IL34: variants seen among roughly 807,000 people sequenced by gnomAD.
IL34 encodes the protein interleukin-34.
In IL34, 17 loss-of-function variants were observed where a neutral mutation model predicts 25.3. The ratio of observed to expected loss-of-function variants is 0.67; its 90% CI spans 0.46 to 1.01. The LOEUF (loss-of-function observed/expected upper bound fraction) is 1.01, where lower values mean the gene tolerates loss of function less well. Among genes scored for constraint, IL34 ranks in the 50% least tolerant of loss-of-function variants. The pLI is 0.00. For missense variants in IL34, 368 were observed against 312.9 expected (o/e 1.18, Z -1.33); for synonymous variants, 174 against 140.9 (o/e 1.23, Z -1.66).
intron 1 of IL34, among the ~76,000 whole-genome samples, chr16:70,630,551 C>T (rs551973928): frequency 6.6e-6 from 1 of 151,470 alleles, no homozygotes; most frequent in Non-Finnish European, 1.5e-5. Flanking sequence ...CCCTCCTCTC[C>T]CCTCCCCTCT....
intron 1 of IL34, among the ~76,000 whole-genome samples, chr16:70,634,131 G>T (rs2051584844): frequency 6.6e-6 from 1 of 152,014 alleles, no homozygotes. Context: ...GATTACAGGT[G>T]TGAGCCACCG....
intron 1 of IL34, among the ~76,000 whole-genome samples, chr16:70,627,957 G>T (rs1319717366): frequency 6.6e-6 from 1 of 152,198 alleles, no homozygotes; most frequent in Admixed American, 6.5e-5. Context: ...ATTTACTTAC[G>T]AAAGAAATTG....
At chr16:70,654,015 C>CG (rs2052148661) in intron 1 of IL34, 1 of 152,396 alleles carries the variant, frequency 6.6e-6, no homozygotes, top group Non-Finnish European at 1.5e-5. Context: ...GCTACAGACC[C>CG]GCTGGCATAG....
chr16:70,627,701 C>T (rs2051427561), intron 1 of IL34, among the ~76,000 whole-genome samples: 1 of 152,104 alleles, frequency 6.6e-6, no homozygotes, highest in Admixed American at 6.6e-5. Context: ...AGCTCCAGGG[C>T]TCAAGAGATC....
At chr16:70,654,417 C>CT (rs1451686992) in intron 1 of IL34, 121 bp from the exon 2 acceptor site, 26 of 1,360,760 alleles carry the variant, frequency 1.9e-5, no homozygotes, top group Non-Finnish European at 2.5e-5. Flanking sequence ...CCCACCACAC[C>CT]TTTCCCATTG....
intron 1 of IL34, among the ~76,000 whole-genome samples, chr16:70,649,477 C>G (rs2052024900): frequency 6.6e-6 from 1 of 152,146 alleles, no homozygotes; most frequent in Admixed American, 6.6e-5. Context: ...CTGCTTCTGC[C>G]CCGTCCACCC....
intron 1 of IL34, among the ~76,000 whole-genome samples, chr16:70,653,088 C>A (rs1353837543): frequency 6.6e-6 from 1 of 152,142 alleles, no homozygotes; most frequent in Non-Finnish European, 1.5e-5. Context: ...TGCTTGTAAT[C>A]CCAGCTACTT....
At chr16:70,634,129 G>A (rs2051584695) in intron 1 of IL34, among the ~76,000 whole-genome samples, 1 of 151,990 alleles carries the variant, frequency 6.6e-6, no homozygotes, top group African/African-American at 2.4e-5. Context: ...GGGATTACAG[G>A]TGTGAGCCAC....
chr16:70,588,716 T>C (rs1260608407), intron 1 of IL34, among the ~76,000 whole-genome samples: 1 of 152,204 alleles, frequency 6.6e-6, no homozygotes, highest in Non-Finnish European at 1.5e-5. Context: ...GTGGTATGAT[T>C]CAGCCTTACA....
In IL34 at chr16:70,660,294, G is replaced by A; in HGVS notation, c.*107G>A. ...GGTGGTGGGAGCCCCCCTTGGGAGA[G>A]GACCCCTGGGAAGGGTGTTTTTCCT... On this transcript the variant is annotated 3_prime_UTR_variant, in exon 6 of 6. Coordinates refer to ENST00000288098, the MANE Select transcript of IL34 (RefSeq NM_001393494.1). 4 of 1,038,976 alleles carry A rather than the reference G, an allele frequency of 3.8e-6. No individual in the cohort carries two copies. In the South Asian group the frequency reaches 5.3e-5, roughly 14 times the overall value. 64.4% of individuals were successfully genotyped at this position (1,038,976 alleles called of 1,614,324 possible). A position where few individuals can be genotyped will look rare whatever the true frequency, so the allele number is the denominator to read the frequency against.
intron 1 of IL34, among the ~76,000 whole-genome samples, chr16:70,591,566 C>A (rs2050754432): frequency 1.4e-5 from 2 of 144,994 alleles, no homozygotes; most frequent in Admixed American, 6.9e-5. Context: ...GAGATCCTGT[C>A]TCTTAAAAAA....
At chr16:70,659,850 C>A (rs1423748562) in intron 5 of IL34, 97 bp downstream of exon 5, 1 of 1,498,152 alleles carries the variant, frequency 6.7e-7, no homozygotes, top group African/African-American at 1.4e-5. Flanking sequence ...CCGGGCATAT[C>A]CTCTGCTCCC....
chr16:70,644,029 C>T (rs1437773315), upstream of IL34, among the ~76,000 whole-genome samples: 2 of 152,154 alleles, frequency 1.3e-5, no homozygotes, highest in Non-Finnish European at 2.9e-5. Flanking sequence ...GACTGGAGGG[C>T]AGTGGAGCAA....
rs1802575841 is a variant in IL34 at position 70,657,052 on chromosome 16, G to A, written c.333G>A (p.Glu111=). The change falls in exon 4 of 6, where the codon GAG becomes GAA. Residue 111 remains glutamate, a synonymous_variant. Transcript: ENST00000288098. Reference sequence around the variant, plus strand: ...AGTCGGTGCAGGACGTGCTGCTCGAGGGCCACCCATCCTGGAAGTACCTGC... The same window carrying A: ...AGTCGGTGCAGGACGTGCTGCTCGAAGGCCACCCATCCTGGAAGTACCTGC... The part of the protein sequence containing the change: ...ATESVQDVLL[E]GHPSWKYLQE... 1 of 1,612,838 alleles carries A rather than the reference G, an allele frequency of 6.2e-7. No individual in the cohort carries two copies. Among genetic ancestry groups the A allele is most frequent in the African/African-American group, 1.3e-5 (1 of 74,856 alleles).
At chr16:70,632,154 G>T (rs1000665605) in intron 1 of IL34, among the ~76,000 whole-genome samples, 4 of 152,042 alleles carry the variant, frequency 2.6e-5, no homozygotes, top group African/African-American at 9.7e-5. Context: ...AGCCTTGTTG[G>T]GAGGCAATTA....
At chr16:70,613,845 G>A (rs2051130524) in intron 1 of IL34, among the ~76,000 whole-genome samples, 1 of 150,554 alleles carries the variant, frequency 6.6e-6, no homozygotes, top group Non-Finnish European at 1.5e-5. Flanking sequence ...CTGTACTCCA[G>A]CCTGGGTGAC....
intron 1 of IL34, among the ~76,000 whole-genome samples, chr16:70,648,848 T>C (rs936083326): frequency 6.6e-6 from 1 of 152,078 alleles, no homozygotes; most frequent in Non-Finnish European, 1.5e-5. Context: ...CAGGGCTGCG[T>C]TCCCTCTAAA....
At chr16:70,592,999 T>C (rs1224747108) in intron 1 of IL34, among the ~76,000 whole-genome samples, 7 of 152,118 alleles carry the variant, frequency 4.6e-5, no homozygotes, top group Non-Finnish European at 1.5e-5. Context: ...CTTTTTCTTT[T>C]TTTAATAAAT....
chr16:70,614,183 C>CA (rs35356831), intron 1 of IL34, among the ~76,000 whole-genome samples: 8,762 of 131,042 alleles, frequency 0.067, 899 homozygotes, highest in African/African-American at 0.23. Flanking sequence ...AACCCTGTCT[C>CA]AAAAAAAAAA....
Sources: gnomAD v4.1 joint callset for allele counts (sites outside exome capture counted in the v4.1 genomes callset) on GRCh38, gnomAD v4.1.1 for gene constraint, MANE v1.5 for transcripts, NCBI Gene and HGNC (gene_info 2026-07-23, HGNC 2026-07-21) for gene names.